Variants in DPP6 observed in about 807,000 individuals in gnomAD.
DPP6 encodes A-type potassium channel modulatory protein DPP6.
In DPP6, 69 loss-of-function variants were observed where a neutral mutation model predicts 122.6. The ratio of observed to expected loss-of-function variants is 0.56; its 90% CI spans 0.46 to 0.69. The LOEUF (loss-of-function observed/expected upper bound fraction) is 0.69, where lower values mean the gene tolerates loss of function less well. Among genes scored for constraint, DPP6 ranks in the 30% least tolerant of loss-of-function variants. The pLI is 0.00. For missense variants in DPP6, 928 were observed against 1,116.9 expected (o/e 0.83, Z 2.41); for synonymous variants, 418 against 433.1 (o/e 0.97, Z 0.43).
intron 1 of DPP6, among the ~76,000 whole-genome samples, chr7:154,129,425 A>G (rs556057814): frequency 2.0e-5 from 3 of 152,266 alleles, no homozygotes; most frequent in East Asian, 3.9e-4. Flanking sequence ...AGGGGGCCCA[A>G]CCTCACCCTC....
chr7:154,309,420 A>C (rs1203870222), intron 1 of DPP6, among the ~76,000 whole-genome samples: 1 of 152,164 alleles, frequency 6.6e-6, no homozygotes, highest in Non-Finnish European at 1.5e-5. Context: ...ATTACAGAAG[A>C]ACTTTTTGAA....
intron 17 of DPP6, among the ~76,000 whole-genome samples, chr7:154,854,350 C>T (rs1190853329): frequency 2.0e-5 from 3 of 152,164 alleles, no homozygotes; most frequent in Non-Finnish European, 4.4e-5. Flanking sequence ...GAGATTCAGG[C>T]TCAACTTTGA....
At chr7:154,541,794 A>G (rs543846112) in intron 4 of DPP6, among the ~76,000 whole-genome samples, 2 of 152,190 alleles carry the variant, frequency 1.3e-5, no homozygotes, top group African/African-American at 4.8e-5. Context: ...GTTGTAAAAA[A>G]AATTAACCGG....
intron 7 of DPP6, among the ~76,000 whole-genome samples, chr7:154,716,830 G>T (rs929100334): frequency 2.0e-5 from 3 of 151,790 alleles, no homozygotes; most frequent in Non-Finnish European, 4.4e-5. Context: ...TTGTTTGTTT[G>T]TTGTTATTGT....
chr7:154,458,584 G>A (rs1176985330), intron 2 of DPP6, among the ~76,000 whole-genome samples: 1 of 152,212 alleles, frequency 6.6e-6, no homozygotes, highest in African/African-American at 2.4e-5. Context: ...TCCAGAACTG[G>A]GAGAGCATAC....
intron 10 of DPP6, among the ~76,000 whole-genome samples, chr7:154,783,554 G>A (rs940199034): frequency 2.0e-5 from 3 of 152,194 alleles, no homozygotes; most frequent in African/African-American, 7.2e-5. Context: ...ACTTCCCTTT[G>A]TGAGGCATGG....
chr7:153,847,618 A>C, the DPP6 span, among the ~76,000 whole-genome samples: 1 of 152,134 alleles, frequency 6.6e-6, no homozygotes, highest in African/African-American at 2.4e-5. Flanking sequence ...TTTGTACTTT[A>C]TTGGGGCAGG....
At chr7:153,993,493 C>T (rs1490560191) in intron 1 of DPP6, among the ~76,000 whole-genome samples, 2 of 152,216 alleles carry the variant, frequency 1.3e-5, no homozygotes, top group African/African-American at 2.4e-5. Context: ...TTGTATTCTT[C>T]GTGATGTATC....
intron 16 of DPP6, 150 bp downstream of exon 16, chr7:154,807,262 T>C: frequency 8.2e-7 from 1 of 1,222,432 alleles, no homozygotes; most frequent in South Asian, 1.6e-5. Context: ...CTGATAACAT[T>C]GCTTATGGTG....
the DPP6 span, among the ~76,000 whole-genome samples, chr7:153,775,906 TAAAG>T: frequency 6.6e-6 from 1 of 152,180 alleles, no homozygotes; most frequent in Non-Finnish European, 1.5e-5. Flanking sequence ...TAAAACTGAT[TAAAG>T]AAATTTTTAA....
chr7:154,155,257 T>C (rs1796621985), intron 1 of DPP6, among the ~76,000 whole-genome samples: 1 of 152,204 alleles, frequency 6.6e-6, no homozygotes. Flanking sequence ...GTTTAGAACC[T>C]TGTCCCCGCC....
rs1800433331 is a variant in DPP6, at chr7:154,052,598, G to C, written c.-223G>C. 2 of 1,213,028 alleles carry C rather than the reference G, an allele frequency of 1.6e-6. No individual in the cohort carries two copies. The highest frequency in any genetic ancestry group is 2.1e-6 in the Non-Finnish European group (2 of 968,152). 75.1% of individuals were successfully genotyped at this position (1,213,028 alleles called of 1,614,324 possible). ...CCCCGGCTTCGCGAGCCGCCGGGGA[G>C]GGGGCGGAGGAGGCTGAGCCAGGCA... On this transcript the variant is annotated 5_prime_UTR_variant, in exon 1 of 26. Coordinates refer to ENST00000377770, the MANE Select transcript of DPP6 (RefSeq NM_130797.4). The surrounding 1 kb of genome is among the most constrained non-coding windows in gnomAD (Gnocchi z 4.8).
At chr7:154,665,624 C>G in intron 6 of DPP6, among the ~76,000 whole-genome samples, 1 of 152,076 alleles carries the variant, frequency 6.6e-6, no homozygotes, top group African/African-American at 2.4e-5. Context: ...TATTTAGACA[C>G]CAAGATCTGG....
chr7:154,719,755 T>C (rs796712802), intron 7 of DPP6, among the ~76,000 whole-genome samples: 4 of 152,362 alleles, frequency 2.6e-5, no homozygotes, highest in African/African-American at 9.6e-5. Context: ...CGCAGGTCAC[T>C]GCCCCCATCA....
chr7:154,186,651 A>C (rs190392293), intron 1 of DPP6, among the ~76,000 whole-genome samples: 2 of 152,338 alleles, frequency 1.3e-5, no homozygotes, highest in East Asian at 3.9e-4. Context: ...ATATGAGCAG[A>C]CACCCAGGGT....
At chr7:154,190,618 T>G (rs1421870309) in intron 1 of DPP6, among the ~76,000 whole-genome samples, 1 of 152,182 alleles carries the variant, frequency 6.6e-6, no homozygotes, top group Non-Finnish European at 1.5e-5. Context: ...TTTTTTTCCC[T>G]TTCCCCTAGT....
At chr7:154,014,673 A>G (rs1798316145) in intron 1 of DPP6, among the ~76,000 whole-genome samples, 1 of 151,886 alleles carries the variant, frequency 6.6e-6, no homozygotes, top group Non-Finnish European at 1.5e-5. Context: ...AAAAAAAAGA[A>G]GAAAGAAAAA....
the DPP6 span, among the ~76,000 whole-genome samples, chr7:153,827,352 G>A: frequency 6.6e-6 from 1 of 152,152 alleles, no homozygotes; most frequent in Non-Finnish European, 1.5e-5. Flanking sequence ...GGTAGACGGA[G>A]TAGACATCCT....
intron 16 of DPP6, among the ~76,000 whole-genome samples, chr7:154,817,544 T>G (rs1182470449): frequency 6.6e-6 from 1 of 151,898 alleles, no homozygotes; most frequent in African/African-American, 2.4e-5. Context: ...GAAACATGAG[T>G]GAGTGACTAA....
Sources: gnomAD v4.1 joint callset for allele counts (sites outside exome capture counted in the v4.1 genomes callset) on GRCh38, gnomAD v4.1.1 for gene constraint, Gnocchi (gnomAD v3.1) non-coding constraint, MANE v1.5 for transcripts, NCBI Gene and HGNC (gene_info 2026-07-23, HGNC 2026-07-21) for gene names.